TACC3: variants seen among roughly 807,000 people sequenced by gnomAD.
TACC3 encodes transforming acidic coiled-coil containing protein 3.
Under a neutral mutation model 86.0 loss-of-function variants are expected in TACC3, and 52 were observed. That is an observed-to-expected ratio of 0.60 (90% confidence interval 0.48 to 0.76). The LOEUF (loss-of-function observed/expected upper bound fraction) is 0.76. Among genes scored for constraint, TACC3 ranks in the 30% least tolerant of loss-of-function variants. The pLI, the probability that TACC3 is intolerant of heterozygous loss-of-function variation, is 0.00. For synonymous variants in TACC3, 512 were observed against 430.0 expected, an observed-to-expected ratio of 1.19 and a Z score of -2.36; for missense variants, 1,120 against 1,070.4, an observed-to-expected ratio of 1.05 and a Z score of -0.65.
At chr4:1,739,848 C>G (rs1179384638) in intron 11 of TACC3, 70 bp downstream of exon 11, 19 of 1,551,788 alleles carry the variant, frequency 1.2e-5, no homozygotes, top group Non-Finnish European at 1.7e-5. Context: ...ATCCCCCTCG[C>G]CATCCTTGTC....
At chr4:1,734,584 C>T (rs1259252072) in intron 6 of TACC3, among the ~76,000 whole-genome samples, 1 of 152,204 alleles carries the variant, frequency 6.6e-6, no homozygotes, top group African/African-American at 2.4e-5. Flanking sequence ...AAGACTCCTC[C>T]TCTACCAAAA....
At chr4:1,737,781 C>T (rs1451246107) in intron 10 of TACC3, 79 bp downstream of exon 10, 2 of 1,283,434 alleles carry the variant, frequency 1.6e-6, no homozygotes, top group Non-Finnish European at 2.2e-6. Context: ...AGGGGTCCAA[C>T]AGCCTGACCC....
At chr4:1,722,123 G>C (rs1401331969) in intron 1 of TACC3, among the ~76,000 whole-genome samples, 1 of 152,040 alleles carries the variant, frequency 6.6e-6, no homozygotes, top group African/African-American at 2.4e-5. Flanking sequence ...CCCCCGCACC[G>C]CATCCCTCTT....
At chr4:1,731,015 G>A in intron 5 of TACC3, 53 bp downstream of exon 5, 3 of 1,607,074 alleles carry the variant, frequency 1.9e-6, no homozygotes, top group South Asian at 1.1e-5. Context: ...GTGTAGAAGA[G>A]TAGCAGGCAG....
intron 4 of TACC3, 106 bp downstream of exon 4, chr4:1,728,893 C>T (rs1560302078): frequency 1.0e-5 from 12 of 1,170,382 alleles, no homozygotes; most frequent in African/African-American, 6.2e-5. Flanking sequence ...CCTTTGAGGC[C>T]GGGTAGGTTC....
chr4:1,728,907 C>T, intron 4 of TACC3, 120 bp downstream of exon 4: 2 of 1,022,830 alleles, frequency 2.0e-6, no homozygotes, highest in African/African-American at 1.6e-5. Flanking sequence ...TAGGTTCTGC[C>T]TGAGGAGGGG....
chr4:1,723,366 G>A, intron 1 of TACC3, 55 bp from the exon 2 acceptor site: 4 of 1,574,824 alleles, frequency 2.5e-6, no homozygotes, highest in Non-Finnish European at 2.6e-6. Flanking sequence ...GTCTGTGTCT[G>A]GACAATGTGG....
intron 8 of TACC3, among the ~76,000 whole-genome samples, chr4:1,736,445 A>AC (rs1366314940): frequency 7.0e-6 from 1 of 142,184 alleles, no homozygotes; most frequent in Admixed American, 7.0e-5. Context: ...AAAAAAAAAA[A>AC]CCAAAAAATA....
At chr4:1,723,239 AG>A (rs1274087883) in intron 1 of TACC3, 181 bp from the exon 2 acceptor site, 4 of 639,248 alleles carry the variant, frequency 6.3e-6, no homozygotes, top group Non-Finnish European at 1.1e-5. Context: ...CTCTGAAGCA[AG>A]ATGGGGACTC....
Position 1,744,541 on chromosome 4 carries a change from C to T in TACC3, c.2247C>T (p.Cys749=), listed in dbSNP as rs773909388. The change falls in exon 14 of 16, where the codon TGC becomes TGT. Residue 749 remains cysteine (C), a synonymous_variant. Coordinates refer to ENST00000313288, the MANE Select transcript of TACC3 (RefSeq NM_006342.3). ...AGAACGAAGAGTCACTGAAGAAGTG[C>T]GTGGAGGATTACCTGGCAAGGATCA... ...YRKNEESLKK[C]VEDYLARITQ... is the part of the protein sequence containing the mutation. 1.3e-5 allele frequency: 21 copies of T among 1,613,010 alleles called. No individual in the cohort carries two copies. The highest frequency in any genetic ancestry group is 2.7e-5 in the African/African-American group (2 of 74,916).
chr4:1,737,032 A>C (rs1718303025), intron 8 of TACC3, among the ~76,000 whole-genome samples: 1 of 152,210 alleles, frequency 6.6e-6, no homozygotes, highest in African/African-American at 2.4e-5. Flanking sequence ...ACAAGCAGCC[A>C]CGTGGGATGG....
chr4:1,730,879 C>G lies in TACC3; in HGVS notation c.1386-8C>G. 1 of 1,612,928 alleles carries G rather than the reference C, an allele frequency of 6.2e-7. No homozygotes were observed. The highest frequency in any genetic ancestry group is 1.1e-5 in the South Asian group (1 of 91,056). ...GGGCATGGGCCTCTGCTGACTCTGT[C>G]TCCCCAGGCAGCTGCATTCAGCCTC... On this transcript the variant is annotated splice_polypyrimidine_tract_variant and splice_region_variant and intron_variant, in intron 4 of 15. Coordinates refer to ENST00000313288, the MANE Select transcript of TACC3 (RefSeq NM_006342.3).
At chr4:1,744,663 T>G (rs756221372) in intron 14 of TACC3, 39 bp downstream of exon 14, 1 of 1,612,132 alleles carries the variant, frequency 6.2e-7, no homozygotes, top group Non-Finnish European at 8.5e-7. Context: ...AGGGAGAATC[T>G]GAGCACCTGG....
intron 3 of TACC3, among the ~76,000 whole-genome samples, chr4:1,724,645 G>A (rs1717596872): frequency 6.6e-6 from 1 of 152,074 alleles, no homozygotes; most frequent in Non-Finnish European, 1.5e-5. Context: ...CCTGGTGGCA[G>A]CTCTTTACTC....
At chr4:1,724,811 G>C (rs1037530726) in intron 3 of TACC3, among the ~76,000 whole-genome samples, 1 of 152,086 alleles carries the variant, frequency 6.6e-6, no homozygotes, top group Non-Finnish European at 1.5e-5. Flanking sequence ...ACCCAGGCTG[G>C]AGTGCCGTGG....
chr4:1,732,079 A>G (rs1718030813), intron 6 of TACC3, among the ~76,000 whole-genome samples: 2 of 151,840 alleles, frequency 1.3e-5, no homozygotes, highest in South Asian at 2.1e-4. Context: ...GTTTGTCTGT[A>G]AGATTGGAGG....
chr4:1,732,551 G>GGC, intron 6 of TACC3, among the ~76,000 whole-genome samples: 1 of 146,060 alleles, frequency 6.8e-6, no homozygotes, highest in Non-Finnish European at 1.5e-5. Flanking sequence ...CAGCCAGGTG[G>GGC]GTATAAGATC....
intron 10 of TACC3, 152 bp downstream of exon 10, chr4:1,737,854 G>A (rs1175694853): frequency 3.8e-6 from 3 of 793,960 alleles, no homozygotes; most frequent in Admixed American, 4.0e-5. Flanking sequence ...GCCGGCCCCT[G>A]GCCTGTCACT....
intron 8 of TACC3, 41 bp from the exon 9 acceptor site, chr4:1,737,200 G>T: frequency 6.5e-7 from 1 of 1,530,296 alleles, no homozygotes. Flanking sequence ...ACTCAACACT[G>T]GGAGGGCCTA....
Sources: gnomAD v4.1 joint callset for allele counts (sites outside exome capture counted in the v4.1 genomes callset) on GRCh38, gnomAD v4.1.1 for gene constraint, MANE v1.5 for transcripts, NCBI Gene and HGNC (gene_info 2026-07-23, HGNC 2026-07-21) for gene names.